Variants in WFS1 observed in about 807,000 individuals in gnomAD.
The protein encoded by WFS1 is wolframin ER transmembrane glycoprotein.
Under a neutral mutation model 68.5 loss-of-function variants are expected in WFS1, and 90 were observed. That is an observed-to-expected ratio of 1.31 (90% CI 1.11 to 1.56). The LOEUF (loss-of-function observed/expected upper bound fraction) is 1.56. WFS1 is among the 40% of genes most tolerant of loss of function. The probability of loss-of-function intolerance (pLI) is 0.00; values close to 1 mark genes in which losing one functional copy is unlikely to be tolerated. For synonymous variants in WFS1, 860 were observed against 540.7 expected (o/e 1.59, Z -8.19); for missense variants, 1,767 against 1,232.6 (o/e 1.43, Z -6.49).
intron 1 of WFS1, among the ~76,000 whole-genome samples, chr4:6,273,411 T>G (rs774486158): frequency 2.0e-5 from 3 of 152,182 alleles, no homozygotes; most frequent in African/African-American, 7.2e-5. Flanking sequence ...AGTAGGGAGT[T>G]GGGGCTGAGT....
intron 7 of WFS1, among the ~76,000 whole-genome samples, chr4:6,296,903 C>A (rs1215772053): frequency 3.3e-5 from 5 of 152,230 alleles, no homozygotes; most frequent in African/African-American, 1.2e-4. Context: ...CAGCTCACTG[C>A]AGCCTCAACG....
Position 6,301,483 on chromosome 4 carries a change from ACTTCCT to A in WFS1, c.1698_1703del (p.Leu567_Phe568del), listed in dbSNP as rs797046113. 37 of 1,612,876 alleles carry A rather than the reference ACTTCCT, an allele frequency of 2.3e-5. No individual in the cohort carries two copies. Among genetic ancestry groups the A allele is most frequent in the Non-Finnish European group, 2.8e-5 (33 of 1,179,894 alleles). On this transcript the variant is annotated inframe_deletion, in exon 8 of 8. Coordinates refer to ENST00000226760, the MANE Select transcript of WFS1 (RefSeq NM_006005.3). ...GGGCTGCTCCGCGCCTCCATCGGCT[ACTTCCT>A]CTTCCTCTTTGCCCTCCCCATCCTG...
In WFS1 at chr4:6,301,326, C is replaced by G. The variant is rs573191424; in HGVS notation, c.1531C>G (p.Leu511Val). Residue 511 changes from leucine to valine, a missense_variant, in exon 8 of 8, where the codon CTG (leucine) becomes GTG (valine). Leu to Val is a conservative substitution (Grantham distance 32). Transcript: ENST00000226760. ...CGTCCCGTGCCTGCTCTATGTCTAC[C>G]TGCTCTATCTCTTCTTCCGCATGGC... ...VSVPCLLYVY[L>V]LYLFFRMAQL... is the part of the protein sequence containing the mutation. 1 of 1,611,786 alleles carries G rather than the reference C, an allele frequency of 6.2e-7. No individual in the cohort carries two copies. Among genetic ancestry groups the G allele is most frequent in the Admixed American group, 1.7e-5 (1 of 60,004 alleles).
At chr4:6,295,444 G>A (rs946595464) in intron 7 of WFS1, among the ~76,000 whole-genome samples, 2 of 152,286 alleles carry the variant, frequency 1.3e-5, no homozygotes, top group East Asian at 1.9e-4. Context: ...AGGATGGCAA[G>A]CAAGGGGCCC....
In WFS1 at chr4:6,299,155, C is replaced by T. The variant is rs78149418; in HGVS notation, c.862-1502C>T. Among the ~76,000 whole-genome samples, 33 of 152,368 alleles carry T rather than the reference C, an allele frequency of 2.2e-4. No homozygotes were observed. The East Asian group carries it at 4.8e-3, about 22-fold the overall frequency. Reference sequence around the variant, plus strand: ...CCTCCAGTCCCTCTGCCTGGCTGCCCTGTGTTCTGGCAGGGCTCAGGGCCT... The same window carrying T: ...CCTCCAGTCCCTCTGCCTGGCTGCCTTGTGTTCTGGCAGGGCTCAGGGCCT... On this transcript the variant is annotated intron_variant, in intron 7 of 7. Coordinates refer to ENST00000226760, the MANE Select transcript of WFS1 (RefSeq NM_006005.3).
Position 6,301,047 on chromosome 4 carries a change from T to G in WFS1, c.1252T>G (p.Ser418Ala). 3 of 1,614,112 alleles carry G rather than the reference T, an allele frequency of 1.9e-6. No individual in the cohort carries two copies. Among genetic ancestry groups the G allele is most frequent in the Non-Finnish European group, 2.5e-6 (3 of 1,180,024 alleles). ...FLLSVFFVIF[S>A]FPIASKDCIP... ...GCTCTCTGTCTTCTTCGTCATCTTC[T>G]CCTTCCCCATCGCCAGCAAGGACTG... Residue 418 changes from serine (S) to alanine (A), a missense_variant, in exon 8 of 8, where the codon TCC (serine) becomes GCC (alanine). Coordinates refer to ENST00000226760, the MANE Select transcript of WFS1 (RefSeq NM_006005.3).
chr4:6,300,596 T>A (rs549802594), intron 7 of WFS1, 61 bp from the exon 8 acceptor site: 2 of 1,609,880 alleles, frequency 1.2e-6, no homozygotes, highest in Non-Finnish European at 1.7e-6. Flanking sequence ...GAGGGAGGCG[T>A]GAGATGGGAG....
rs186243475 is a variant in WFS1, at chr4:6,284,722, A to G, written c.233-2371A>G. 6.3e-4 allele frequency among the ~76,000 whole-genome samples: 95 copies of G among 151,838 alleles called. No individual in the cohort carries two copies. The Middle Eastern group carries it at 0.01, about 16-fold the overall frequency. On this transcript the variant is annotated intron_variant, in intron 2 of 7. Coordinates refer to ENST00000226760, the MANE Select transcript of WFS1 (RefSeq NM_006005.3). ...CACTCACTACAAAGCATCTCTTTTC[A>G]TCATAAACCATCCTATCAGATTGAT...
At position 6,302,638 on chromosome 4, in the gene WFS1, G is replaced by T; in HGVS notation, c.*170G>T. ...TTGCGTGGACCCCGACAAAGGGAAG[G>T]CTGCTGTGTAGCTCTGTCCACTCTG... On this transcript the variant is annotated 3_prime_UTR_variant, in exon 8 of 8. Coordinates refer to ENST00000226760, the MANE Select transcript of WFS1 (RefSeq NM_006005.3). 1 of 940,410 alleles carries T rather than the reference G, an allele frequency of 1.1e-6. No homozygotes were observed. Among genetic ancestry groups the T allele is most frequent in the Non-Finnish European group, 1.6e-6 (1 of 633,204 alleles). 58.3% of individuals were successfully genotyped at this position (940,410 alleles called of 1,614,324 possible). A position where few individuals can be genotyped will look rare whatever the true frequency, so the allele number is the denominator to read the frequency against.
Position 6,303,098 on chromosome 4 carries a change from G to A in WFS1, c.*630G>A, listed in dbSNP as rs1731023978. 6.4e-6 allele frequency: 1 copy of A among 156,860 alleles called. No individual in the cohort carries two copies. The highest frequency in any genetic ancestry group is 1.4e-5 in the Non-Finnish European group (1 of 70,590). The allele number at this position is 156,860 out of a possible 1,614,324, so 9.7% of individuals were successfully genotyped here. Reference sequence around the variant, plus strand: ...TCCAGCAGGTAGTGGGTGAATGTGTGAAGGTCTTGCCTGAATCCATCAGGA... The same window carrying A: ...TCCAGCAGGTAGTGGGTGAATGTGTAAAGGTCTTGCCTGAATCCATCAGGA... On this transcript the variant is annotated 3_prime_UTR_variant, in exon 8 of 8. Transcript: ENST00000226760.
At chr4:6,289,812 C>T (rs1268510298) in intron 4 of WFS1, among the ~76,000 whole-genome samples, 6 of 151,844 alleles carry the variant, frequency 4.0e-5, no homozygotes, top group African/African-American at 7.3e-5. Flanking sequence ...CCTTTTTTTT[C>T]AGATTGTAAG....
Position 6,300,765 on chromosome 4 carries a change from A to C in WFS1, c.970A>C (p.Ile324Leu), listed in dbSNP as rs576792406. The C allele has an allele frequency of 6.2e-7, 1 of 1,613,902 alleles. No homozygotes were observed. Among genetic ancestry groups the C allele is most frequent in the African/African-American group, 1.3e-5 (1 of 74,932 alleles). The part of the protein sequence containing the change: ...WLSTIIPTHH[I>L]NALIFFFIVS... ...GTCCACCATCATCCCCACGCACCAC[A>C]TCAACGCGCTCATCTTCTTCTTCAT... Residue 324 changes from isoleucine to leucine, a missense_variant, in exon 8 of 8, where the codon ATC (isoleucine) becomes CTC (leucine). Transcript: ENST00000226760.
rs771854951 is a variant in WFS1 at position 6,291,262 on chromosome 4, G to A, written c.526G>A (p.Val176Met). ...CTCCGAGACCGACCTGGAGAGGGCC[G>A]TGCGCAAGGCAGCCCTGGTCATGTA... Reference protein sequence around the residue: ...LSSETDLERAVRKAALVMYWK... With the variant: ...LSSETDLERAMRKAALVMYWK... Residue 176 changes from valine to methionine, a missense_variant, in exon 5 of 8, where the codon GTG becomes ATG. Physicochemically the swap from Val to Met is conservative, Grantham distance 21. Coordinates refer to ENST00000226760, the MANE Select transcript of WFS1 (RefSeq NM_006005.3). The A allele has an allele frequency of 9.3e-6, 15 of 1,613,194 alleles. No homozygotes were observed. Among genetic ancestry groups the A allele is most frequent in the South Asian group, 4.4e-5 (4 of 91,058 alleles).
chr4:6,285,421 G>A (rs1461083009), intron 2 of WFS1, among the ~76,000 whole-genome samples: 1 of 152,098 alleles, frequency 6.6e-6, no homozygotes, highest in Non-Finnish European at 1.5e-5. Context: ...GGCTTCCAGG[G>A]AGAGGGGCCT....
Position 6,301,073 on chromosome 4 carries a change from C to T in WFS1, c.1278C>T (p.Cys426=). 1 of 1,614,152 alleles carries T rather than the reference C, an allele frequency of 6.2e-7. No homozygotes were observed. Among genetic ancestry groups the T allele is most frequent in the East Asian group, 2.2e-5 (1 of 44,874 alleles). Residue 426 remains cysteine (C), a synonymous_variant, in exon 8 of 8, where the codon TGC becomes TGT. Coordinates refer to ENST00000226760, the MANE Select transcript of WFS1 (RefSeq NM_006005.3). ...IFSFPIASKD[C]IPCSELAVIT... ...CCTTCCCCATCGCCAGCAAGGACTG[C>T]ATCCCCTGCTCGGAGCTGGCTGTCA...
intron 2 of WFS1, among the ~76,000 whole-genome samples, chr4:6,286,532 T>C (rs553267861): frequency 1.2e-4 from 19 of 152,348 alleles, no homozygotes; most frequent in African/African-American, 4.1e-4. Context: ...ATTTTTGTTA[T>C]AACAGCTCGA....
rs1395599328 is a variant in WFS1 at position 6,283,007 on chromosome 4, A to ATGG, written c.233-4085_233-4083dup. Among the ~76,000 whole-genome samples, 3 of 152,222 alleles carry ATGG rather than the reference A, an allele frequency of 2.0e-5. No homozygotes were observed. ...AGACGGGTGAGACCCACGGACATAG[A>ATGG]TGGCATCCACGAAGGCTGGCGGAGC... On this transcript the variant is annotated intron_variant, in intron 2 of 7. Transcript: ENST00000226760. The surrounding 1 kb of genome is among the most constrained non-coding windows in gnomAD (Gnocchi z 5.0).
intron 5 of WFS1, 96 bp downstream of exon 5, chr4:6,291,463 G>A: frequency 1.3e-6 from 2 of 1,503,982 alleles, no homozygotes; most frequent in South Asian, 1.2e-5. Flanking sequence ...TTCCCTCAGG[G>A]GCTGGGTCTT....
At chr4:6,296,693 G>C (rs149828688) in intron 7 of WFS1, among the ~76,000 whole-genome samples, 6 of 152,356 alleles carry the variant, frequency 3.9e-5, no homozygotes, top group African/African-American at 9.6e-5. Context: ...CCATGGCCCA[G>C]GTGTCCCAGT....
Sources: allele counts gnomAD v4.1 joint callset (sites outside exome capture counted in the v4.1 genomes callset), GRCh38; gene constraint gnomAD v4.1.1; non-coding constraint Gnocchi (gnomAD v3.1); transcripts MANE v1.5; gene names NCBI Gene and HGNC (gene_info 2026-07-23, HGNC 2026-07-21).